RSF1: variants seen among roughly 807,000 people sequenced by gnomAD.
The protein encoded by RSF1 is HBV pX-associated protein 8.
In RSF1, 13 loss-of-function variants were observed where a neutral mutation model predicts 145.2. The observed-to-expected ratio is 0.09, with a 90% CI of 0.06 to 0.14. The LOEUF (loss-of-function observed/expected upper bound fraction) is 0.14. Among genes scored for constraint, RSF1 ranks in the 10% least tolerant of loss-of-function variants. RSF1 has a pLI of 1.00. For synonymous variants in RSF1, 577 were observed against 592.6 expected (o/e 0.97, Z 0.38); for missense variants, 1,517 against 1,718.2 (o/e 0.88, Z 2.07).
the RSF1 span, among the ~76,000 whole-genome samples, chr11:77,839,308 T>G: frequency 2.0e-4 from 30 of 152,236 alleles, no homozygotes; most frequent in South Asian, 2.3e-3. Context: ...CTTGGCTTTT[T>G]TTTGTTTGTT....
intron 1 of RSF1, among the ~76,000 whole-genome samples, chr11:77,788,575 A>C (rs1948484870): frequency 6.6e-6 from 1 of 151,896 alleles, no homozygotes; most frequent in Non-Finnish European, 1.5e-5. Flanking sequence ...AGGAAAAAAA[A>C]CTGCCTTAGT....
upstream of RSF1, among the ~76,000 whole-genome samples, chr11:77,822,201 A>G (rs1044686565): frequency 6.6e-6 from 1 of 152,066 alleles, no homozygotes; most frequent in Non-Finnish European, 1.5e-5. Flanking sequence ...ACACTTTGGG[A>G]AACCGAGGTG....
chr11:77,860,554 T>C, the RSF1 span, among the ~76,000 whole-genome samples: 2 of 152,346 alleles, frequency 1.3e-5, no homozygotes, highest in South Asian at 4.1e-4. Context: ...GCACAAGGTT[T>C]CTGAAAGGGC....
chr11:77,769,403 A>G (rs545570238), intron 1 of RSF1, among the ~76,000 whole-genome samples: 1 of 152,394 alleles, frequency 6.6e-6, no homozygotes, highest in East Asian at 1.9e-4. Flanking sequence ...TTTACTGATT[A>G]GCCACTTCAA....
chr11:77,694,362 A>G (rs188770710), intron 7 of RSF1, among the ~76,000 whole-genome samples: 1 of 152,298 alleles, frequency 6.6e-6, no homozygotes, highest in East Asian at 1.9e-4. Flanking sequence ...GTAAATTCAA[A>G]TAAGGAAGAG....
intron 1 of RSF1, among the ~76,000 whole-genome samples, chr11:77,766,573 TG>T (rs1948228422): frequency 6.6e-6 from 1 of 152,026 alleles, no homozygotes; most frequent in Admixed American, 6.6e-5. Context: ...ATGTGAATTA[TG>T]GGGGGTTAAG....
intron 1 of RSF1, among the ~76,000 whole-genome samples, chr11:77,819,766 T>G (rs1344327554): frequency 6.6e-6 from 1 of 151,872 alleles, no homozygotes; most frequent in African/African-American, 2.4e-5. Context: ...CCTATTATTT[T>G]GGGGGAGGTG....
chr11:77,787,195 C>T lies in RSF1; in HGVS notation c.188-22506G>A, dbSNP rs191072134. Among the ~76,000 whole-genome samples, 436 of 152,246 alleles carry T rather than the reference C, an allele frequency of 2.9e-3. 5 individuals carry two copies. The highest frequency in any genetic ancestry group is 0.01 in the African/African-American group (419 of 41,524). On this transcript the variant is annotated intron_variant, in intron 1 of 15. Coordinates refer to ENST00000308488, the MANE Select transcript of RSF1 (RefSeq NM_016578.4). ...AATAAAGGGAATAGCACCCAACACC[C>T]ACACAGGTCTATGAACAAGGCCTGC...
chr11:77,735,094 T>G, intron 4 of RSF1: 3 of 913,828 alleles, frequency 3.3e-6, no homozygotes, highest in Non-Finnish European at 5.2e-6. Flanking sequence ...GGCAGGGGCC[T>G]TGGGGCGGTC....
chr11:77,872,201 C>T, the RSF1 span: 2 of 1,613,524 alleles, frequency 1.2e-6, no homozygotes, highest in African/African-American at 2.7e-5. Context: ...TGGAGTACCT[C>T]AAGAAACATG....
chr11:77,837,597 G>A, the RSF1 span, among the ~76,000 whole-genome samples: 22 of 151,320 alleles, frequency 1.5e-4, no homozygotes, highest in East Asian at 2.5e-3. Context: ...CACTACGCCC[G>A]GCTAATTTTT....
At chr11:77,849,097 C>T in the RSF1 span, among the ~76,000 whole-genome samples, 2 of 151,178 alleles carry the variant, frequency 1.3e-5, no homozygotes, top group African/African-American at 2.4e-5. Context: ...AGTGCAATGG[C>T]GCCATTATTG....
chr11:77,788,807 C>T (rs1292726237), intron 1 of RSF1, among the ~76,000 whole-genome samples: 1 of 152,104 alleles, frequency 6.6e-6, no homozygotes, highest in African/African-American at 2.4e-5. Context: ...TTTAAGATTG[C>T]TAACTAGAGG....
At chr11:77,734,005 C>T (rs945114757) in intron 4 of RSF1, among the ~76,000 whole-genome samples, 2 of 151,894 alleles carry the variant, frequency 1.3e-5, no homozygotes, top group African/African-American at 4.8e-5. Flanking sequence ...TGAAATAATG[C>T]TTTTGTGGCA....
chr11:77,856,613 A>G, the RSF1 span, among the ~76,000 whole-genome samples: 1 of 152,140 alleles, frequency 6.6e-6, no homozygotes, highest in Non-Finnish European at 1.5e-5. Flanking sequence ...ATAGCTGGGG[A>G]GCCTCAGGAA....
the RSF1 span, among the ~76,000 whole-genome samples, chr11:77,828,126 C>T: frequency 6.6e-6 from 1 of 151,456 alleles, no homozygotes; most frequent in Non-Finnish European, 1.5e-5. Context: ...ATACAAAAAA[C>T]TAGCTGGGCA....
chr11:77,786,661 T>C (rs1480046350), intron 1 of RSF1, among the ~76,000 whole-genome samples: 1 of 152,130 alleles, frequency 6.6e-6, no homozygotes, highest in African/African-American at 2.4e-5. Context: ...CCTAAAACTA[T>C]AATGGTGGAG....
chr11:77,698,779 T>C (rs1451282175), intron 6 of RSF1, 86 bp from the exon 7 acceptor site: 9 of 1,139,882 alleles, frequency 7.9e-6, no homozygotes, highest in Non-Finnish European at 1.2e-5. Flanking sequence ...TGTATAATAA[T>C]ATTCAGCCAA....
At chr11:77,778,187 G>GGA (rs1948364937) in intron 1 of RSF1, among the ~76,000 whole-genome samples, 4 of 20,858 alleles carry the variant, frequency 1.9e-4, no homozygotes, top group Admixed American at 4.8e-4. Flanking sequence ...GGAGGGGAGG[G>GGA]GTGGGGGAGG....
Sources: allele counts gnomAD v4.1 joint callset (sites outside exome capture counted in the v4.1 genomes callset), GRCh38; gene constraint gnomAD v4.1.1; transcripts MANE v1.5; gene names NCBI Gene and HGNC (gene_info 2026-07-23, HGNC 2026-07-21).